C5orf47: variants seen among roughly 807,000 people sequenced by gnomAD.
The protein encoded by C5orf47 is chromosome 5 open reading frame 47, also known as uncharacterized protein C5orf47.
Under a neutral mutation model 20.6 loss-of-function variants are expected in C5orf47, and 20 were observed. The observed-to-expected ratio is 0.97, with a 90% CI of 0.68 to 1.41. The LOEUF (loss-of-function observed/expected upper bound fraction) is 1.41, where lower values mean the gene tolerates loss of function less well. Ranked by LOEUF, C5orf47 falls within the 40% of genes most tolerant of loss-of-function variation. The pLI is 0.00. For missense variants in C5orf47, 262 were observed against 238.4 expected (o/e 1.10, Z -0.65); for synonymous variants, 106 against 97.3 (o/e 1.09, Z -0.53).
At chr5:174,002,170 G>A (rs150355122) in intron 4 of C5orf47, among the ~76,000 whole-genome samples, 31 of 151,758 alleles carry the variant, frequency 2.0e-4, no homozygotes, top group South Asian at 1.0e-3. Flanking sequence ...TATGTTGCCC[G>A]GGTTGGTCTT....
intron 1 of C5orf47, among the ~76,000 whole-genome samples, chr5:173,991,271 T>C (rs542915527): frequency 6.6e-6 from 1 of 152,288 alleles, no homozygotes; most frequent in South Asian, 2.1e-4. Flanking sequence ...GAGATATAAT[T>C]TTATTTTTTT....
At chr5:173,991,534 G>C (rs1758997762) in intron 1 of C5orf47, among the ~76,000 whole-genome samples, 1 of 150,902 alleles carries the variant, frequency 6.6e-6, no homozygotes, top group African/African-American at 2.4e-5. Context: ...ATGAATGGGT[G>C]TTGATTTTTG....
chr5:173,999,358 T>TTA (rs1161888843), intron 2 of C5orf47, among the ~76,000 whole-genome samples: 1 of 152,224 alleles, frequency 6.6e-6, no homozygotes, highest in Non-Finnish European at 1.5e-5. Context: ...ATCATTGGAA[T>TTA]ATAAATTCAC....
At chr5:173,991,609 G>A (rs964984212) in intron 1 of C5orf47, among the ~76,000 whole-genome samples, 1 of 151,810 alleles carries the variant, frequency 6.6e-6, no homozygotes, top group Non-Finnish European at 1.5e-5. Flanking sequence ...AATATGGAAT[G>A]TAATATAAAT....
rs1299917716 is a variant in C5orf47 at position 174,004,795 on chromosome 5, C to T, written c.*541C>T. 1.3e-5 allele frequency: 2 copies of T among 152,200 alleles called. No individual in the cohort carries two copies. The highest frequency in any genetic ancestry group is 3.8e-4 in the East Asian group (2 of 5,318). The allele number at this position is 152,200 out of a possible 1,614,324, so 9.4% of individuals were successfully genotyped here. Reference sequence around the variant, plus strand: ...CTAAGCTAATGATTATTTAAGCCATCTTTTCATCCTAAGGAAAATTAGTAA... The same window carrying T: ...CTAAGCTAATGATTATTTAAGCCATTTTTTCATCCTAAGGAAAATTAGTAA... On this transcript the variant is annotated 3_prime_UTR_variant, in exon 5 of 5. Transcript: ENST00000340147.
chr5:173,999,363 A>G (rs183744273), intron 2 of C5orf47, among the ~76,000 whole-genome samples: 1 of 152,326 alleles, frequency 6.6e-6, no homozygotes, highest in East Asian at 1.9e-4. Flanking sequence ...TGGAATATAA[A>G]TTCACAATTT....
In C5orf47 at chr5:173,989,606, G is replaced by A. The variant is rs1290741586; in HGVS notation, c.325+18G>A. ...GCGTGCAGGTGGTGCAGCGGGGCAG[G>A]GCGGGACCGGGCGCGGCGGGGCGGG... On this transcript the variant is annotated intron_variant, in intron 1 of 4. Transcript: ENST00000340147. 2.1e-6 allele frequency: 3 copies of A among 1,404,482 alleles called. No homozygotes were observed. Among genetic ancestry groups the A allele is most frequent in the Non-Finnish European group, 2.8e-6 (3 of 1,083,044 alleles). The allele number at this position is 1,404,482 out of a possible 1,614,324, so 87.0% of individuals were successfully genotyped here.
At chr5:173,993,688 C>T (rs1045187154) in intron 1 of C5orf47, among the ~76,000 whole-genome samples, 13 of 151,696 alleles carry the variant, frequency 8.6e-5, no homozygotes, top group Admixed American at 3.9e-4. Context: ...ATTTATTGAC[C>T]GTGCTGTACA....
At chr5:174,001,620 T>G (rs1034906650) in intron 4 of C5orf47, among the ~76,000 whole-genome samples, 1 of 152,194 alleles carries the variant, frequency 6.6e-6, no homozygotes, top group Non-Finnish European at 1.5e-5. Flanking sequence ...TATTTAATGC[T>G]ATCTTACTAC....
intron 1 of C5orf47, among the ~76,000 whole-genome samples, chr5:173,997,461 C>T (rs7724254): frequency 6.6e-6 from 1 of 152,028 alleles, no homozygotes; most frequent in Non-Finnish European, 1.5e-5. Flanking sequence ...CTCTGGATAA[C>T]CCTTATTAGT....
rs117232026 is a variant in C5orf47, at chr5:174,005,030, A to G, written c.*776A>G. 4.6e-5 allele frequency: 7 copies of G among 152,250 alleles called. No individual in the cohort carries two copies. The East Asian group carries it at 1.2e-3, about 25-fold the overall frequency. The allele number at this position is 152,250 out of a possible 1,614,324, so 9.4% of individuals were successfully genotyped here. ...TTAATAAGTCCTTTTTTTCTACTCA[A>G]CATTAAGTAGTAATCAACTTTTACC... On this transcript the variant is annotated 3_prime_UTR_variant, in exon 5 of 5. Transcript: ENST00000340147.
intron 1 of C5orf47, among the ~76,000 whole-genome samples, chr5:173,991,169 ATT>A (rs1222133025): frequency 3.9e-5 from 6 of 152,026 alleles, no homozygotes; most frequent in African/African-American, 1.5e-4. Flanking sequence ...CACTTAGCCT[ATT>A]GGTTTTTGTT....
intron 1 of C5orf47, among the ~76,000 whole-genome samples, chr5:173,997,103 T>A (rs1349245861): frequency 6.6e-6 from 1 of 152,180 alleles, no homozygotes; most frequent in Admixed American, 6.5e-5. Flanking sequence ...GGATACTGGA[T>A]CTCTAGTGAA....
chr5:173,990,362 A>T (rs986191580), intron 1 of C5orf47, among the ~76,000 whole-genome samples: 3 of 151,860 alleles, frequency 2.0e-5, no homozygotes, highest in Admixed American at 2.0e-4. Context: ...GGCCCAACTG[A>T]TCCTCCTGCC....
At chr5:173,994,157 G>A (rs1759047004) in intron 1 of C5orf47, among the ~76,000 whole-genome samples, 1 of 152,192 alleles carries the variant, frequency 6.6e-6, no homozygotes, top group Admixed American at 6.5e-5. Flanking sequence ...CGTTGGTTGT[G>A]CAGTGCATGG....
At chr5:173,997,787 G>A (rs1212460663) in intron 1 of C5orf47, among the ~76,000 whole-genome samples, 3 of 152,166 alleles carry the variant, frequency 2.0e-5, no homozygotes, top group African/African-American at 7.2e-5. Flanking sequence ...GTAGTTGGAA[G>A]TGTAATGTCT....
At chr5:173,999,919 GAA>G (rs1230782429) in intron 3 of C5orf47, 120 bp downstream of exon 3, 1 of 560,116 alleles carries the variant, frequency 1.8e-6, no homozygotes, top group African/African-American at 1.9e-5. Flanking sequence ...CAGAACTATA[GAA>G]ATGAGGCTAC....
chr5:174,000,052 GA>G (rs2113370736), intron 3 of C5orf47, among the ~76,000 whole-genome samples: 1 of 152,164 alleles, frequency 6.6e-6, no homozygotes, highest in East Asian at 1.9e-4. Flanking sequence ...GGAATTTACT[GA>G]GCAAAGGGAA....
intron 3 of C5orf47, among the ~76,000 whole-genome samples, chr5:174,000,451 T>C (rs1561648868): frequency 6.6e-6 from 1 of 152,182 alleles, no homozygotes; most frequent in Non-Finnish European, 1.5e-5. Flanking sequence ...GCAATGTGAA[T>C]TGATAAATCA....
Sources: gnomAD v4.1 joint callset for allele counts (sites outside exome capture counted in the v4.1 genomes callset) on GRCh38, gnomAD v4.1.1 for gene constraint, MANE v1.5 for transcripts, NCBI Gene and HGNC (gene_info 2026-07-23, HGNC 2026-07-21) for gene names.